The following CDH10 variants were observed in gnomAD, a reference collection of about 807,000 sequenced individuals.
The protein encoded by CDH10 is cadherin-10.
CDH10 carries 30 observed loss-of-function variants against 73.1 expected under a neutral mutation model. The observed-to-expected ratio is 0.41, with a 90% CI of 0.31 to 0.56. The LOEUF is 0.56. CDH10 is among the 20% of genes least tolerant of loss of function. CDH10 has a pLI of 0.27. For synonymous variants in CDH10, 345 were observed against 348.2 expected, an observed-to-expected ratio of 0.99 and a Z score of 0.10; for missense variants, 815 against 973.7, an observed-to-expected ratio of 0.84 and a Z score of 2.17.
chr5:24,585,089 C>G (rs909769246), intron 2 of CDH10, among the ~76,000 whole-genome samples: 1 of 152,056 alleles, frequency 6.6e-6, no homozygotes, highest in African/African-American at 2.4e-5. Flanking sequence ...CTCAAGCAAT[C>G]TTCGCTTCGG....
intron 2 of CDH10, among the ~76,000 whole-genome samples, chr5:24,586,970 G>A (rs571099938): frequency 3.2e-4 from 47 of 147,476 alleles, no homozygotes; most frequent in African/African-American, 1.1e-3. Context: ...TCAGCCTCCC[G>A]AGTAGCTGGG....
intron 5 of CDH10, among the ~76,000 whole-genome samples, chr5:24,519,653 C>T (rs912305309): frequency 3.3e-5 from 5 of 152,074 alleles, no homozygotes; most frequent in African/African-American, 1.2e-4. Flanking sequence ...AGACGTGATA[C>T]CATTTTATAC....
intron 9 of CDH10, among the ~76,000 whole-genome samples, chr5:24,494,758 A>G (rs1484222374): frequency 2.0e-5 from 3 of 152,124 alleles, no homozygotes; most frequent in African/African-American, 7.2e-5. Flanking sequence ...CAAATATTAT[A>G]GCACTATTGA....
chr5:24,562,531 C>T (rs1477032935), intron 2 of CDH10, among the ~76,000 whole-genome samples: 2 of 151,950 alleles, frequency 1.3e-5, no homozygotes, highest in South Asian at 4.1e-4. Context: ...TTATGATATA[C>T]CCTACGGAAA....
intron 2 of CDH10, among the ~76,000 whole-genome samples, chr5:24,540,449 T>A (rs368331548): frequency 9.2e-5 from 14 of 152,076 alleles, no homozygotes; most frequent in African/African-American, 2.9e-4. Context: ...GGATTTATTA[T>A]CTTCACTTAT....
chr5:24,554,331 A>C (rs142273517), intron 2 of CDH10: 3 of 152,176 alleles, frequency 2.0e-5, no homozygotes, highest in Admixed American at 6.5e-5. Context: ...TTAGAAATGT[A>C]ATTTATTATT....
intron 1 of CDH10, among the ~76,000 whole-genome samples, chr5:24,623,850 A>G (rs981260431): frequency 6.6e-6 from 1 of 152,122 alleles, no homozygotes; most frequent in African/African-American, 2.4e-5. Context: ...CATAACTGTC[A>G]ACTATACCAG....
intron 1 of CDH10, among the ~76,000 whole-genome samples, chr5:24,600,817 A>G (rs1249733639): frequency 6.6e-6 from 1 of 152,066 alleles, no homozygotes; most frequent in Non-Finnish European, 1.5e-5. Flanking sequence ...AAATAAAATT[A>G]TTTTGCATGA....
chr5:24,569,802 GC>G (rs1468335664), intron 2 of CDH10, among the ~76,000 whole-genome samples: 1 of 150,116 alleles, frequency 6.7e-6, no homozygotes, highest in Non-Finnish European at 1.5e-5. Context: ...TTGCTCTGTC[GC>G]CCAGGCTGGA....
intron 1 of CDH10, among the ~76,000 whole-genome samples, chr5:24,609,456 T>A (rs1412832133): frequency 6.6e-6 from 1 of 152,026 alleles, no homozygotes; most frequent in Non-Finnish European, 1.5e-5. Flanking sequence ...TGACTCAGAG[T>A]AACAGAACAC....
At chr5:24,623,244 A>G (rs1747376581) in intron 1 of CDH10, among the ~76,000 whole-genome samples, 1 of 152,172 alleles carries the variant, frequency 6.6e-6, no homozygotes, top group Non-Finnish European at 1.5e-5. Context: ...TGGTGGGGGT[A>G]CTAGTTTTAT....
rs891409866 is a variant in CDH10 at position 24,586,516 on chromosome 5, C to T, written c.231+6744G>A. 1.0e-4 allele frequency among the ~76,000 whole-genome samples: 14 copies of T among 137,254 alleles called. No individual in the cohort carries two copies. The Middle Eastern group carries it at 0.015, about 144-fold the overall frequency. 90.0% of individuals were successfully genotyped at this position (137,254 alleles called of 152,430 possible). ...GTGGTGCATTGGGGCAATCTCAACT[C>T]ACTGCAACCTCCGCCTCCCGGGTTC... is the stretch of plus-strand genomic sequence containing the variant. On this transcript the variant is annotated intron_variant, in intron 2 of 11. Coordinates refer to ENST00000264463, the MANE Select transcript of CDH10 (RefSeq NM_006727.5).
chr5:24,495,894 G>A (rs530946043), intron 9 of CDH10, among the ~76,000 whole-genome samples: 246 of 143,682 alleles, frequency 1.7e-3, no homozygotes, highest in Non-Finnish European at 2.4e-3. Context: ...GAAAAAAAAA[G>A]CACCCTTGAA....
chr5:24,515,829 G>A (rs550763714), intron 5 of CDH10, among the ~76,000 whole-genome samples: 34 of 152,284 alleles, frequency 2.2e-4, no homozygotes, highest in African/African-American at 7.7e-4. Flanking sequence ...TGGATCATGG[G>A]AGCGGGTCTT....
At chr5:24,569,022 A>G (rs928681111) in intron 2 of CDH10, among the ~76,000 whole-genome samples, 19 of 151,968 alleles carry the variant, frequency 1.3e-4, no homozygotes, top group African/African-American at 4.6e-4. Flanking sequence ...AGGCAGGAGA[A>G]TGGCATGAAC....
intron 2 of CDH10, among the ~76,000 whole-genome samples, chr5:24,590,814 T>TC (rs1561183964): frequency 6.6e-6 from 1 of 151,964 alleles, no homozygotes; most frequent in African/African-American, 2.4e-5. Flanking sequence ...CCCAAAATAT[T>TC]CCCCACTACA....
intron 1 of CDH10, among the ~76,000 whole-genome samples, chr5:24,624,887 C>G (rs924338031): frequency 2.0e-5 from 3 of 152,056 alleles, no homozygotes; most frequent in Admixed American, 1.3e-4. Context: ...AACAGGAAGA[C>G]AACTAAACTA....
intron 2 of CDH10, among the ~76,000 whole-genome samples, chr5:24,572,399 G>A (rs1224626140): frequency 3.3e-5 from 5 of 151,940 alleles, no homozygotes; most frequent in Non-Finnish European, 7.4e-5. Context: ...AGAGATAGCC[G>A]GAAGCTATCT....
rs557125672 is a variant in CDH10, at chr5:24,620,945, G to A, written c.-124+23649C>T. ...AAACTCTTTTTAGTTCCATCTTATC[G>A]TCAAGGTCTAACTGCCAGCATAATA... On this transcript the variant is annotated intron_variant, in intron 1 of 11. Coordinates refer to ENST00000264463, the MANE Select transcript of CDH10 (RefSeq NM_006727.5). Among the ~76,000 whole-genome samples the A allele has an allele frequency of 5.3e-5, 8 of 152,180 alleles. No homozygotes were observed. The East Asian group carries it at 5.8e-4, about 11-fold the overall frequency.
Sources: gnomAD v4.1 joint callset for allele counts (sites outside exome capture counted in the v4.1 genomes callset) on GRCh38, gnomAD v4.1.1 for gene constraint, MANE v1.5 for transcripts, NCBI Gene and HGNC (gene_info 2026-07-23, HGNC 2026-07-21) for gene names.